DOCK2: variants seen among roughly 807,000 people sequenced by gnomAD.
DOCK2 encodes dedicator of cytokinesis protein 2.
Under a neutral mutation model 248.9 loss-of-function variants are expected in DOCK2, and 87 were observed. The ratio of observed to expected loss-of-function variants is 0.35; its 90% CI spans 0.29 to 0.42. The LOEUF (loss-of-function observed/expected upper bound fraction) is 0.42. Among genes scored for constraint, DOCK2 ranks in the 10% least tolerant of loss-of-function variants. The pLI, the probability that DOCK2 is intolerant of heterozygous loss-of-function variation, is 1.00. For missense variants in DOCK2, 1,747 were observed against 2,300.2 expected, an observed-to-expected ratio of 0.76 and a Z score of 4.92; for synonymous variants, 805 against 821.6, an observed-to-expected ratio of 0.98 and a Z score of 0.35.
Position 169,852,204 on chromosome 5 carries a change from GC to G in DOCK2, c.2799+11354del, listed in dbSNP as rs1477005220. Among the ~76,000 whole-genome samples, 32 of 152,296 alleles carry G rather than the reference GC, an allele frequency of 2.1e-4. 1 individual carries two copies. Among genetic ancestry groups the G allele is most frequent in the Middle Eastern group, 3.4e-3 (1 of 294 alleles). The stretch of plus-strand genomic sequence containing the variant: ...TGAAATTACCTCCAAATATCTCGGT[GC>G]CTTTCAGCTTCTGTTAGTGGAGCTG... On this transcript the variant is annotated intron_variant, in intron 27 of 51. Coordinates refer to ENST00000520908, the MANE Select transcript of DOCK2 (RefSeq NM_004946.3).
At chr5:169,792,021 G>A (rs920200479) in intron 25 of DOCK2, among the ~76,000 whole-genome samples, 1 of 152,196 alleles carries the variant, frequency 6.6e-6, no homozygotes, top group Non-Finnish European at 1.5e-5. Flanking sequence ...TCCTGGTTAA[G>A]TAGAGATTGA....
intron 22 of DOCK2, among the ~76,000 whole-genome samples, chr5:169,722,226 A>G (rs1423017893): frequency 2.0e-5 from 3 of 152,202 alleles, no homozygotes; most frequent in African/African-American, 7.2e-5. Flanking sequence ...AGCTCAGACA[A>G]CCAGCTGTGC....
At chr5:169,766,234 T>A (rs1764783112) in intron 25 of DOCK2, among the ~76,000 whole-genome samples, 2 of 152,044 alleles carry the variant, frequency 1.3e-5, no homozygotes, top group Non-Finnish European at 2.9e-5. Flanking sequence ...CCCTCTACCC[T>A]CAAGCAGGCC....
chr5:169,804,437 A>AGTGT (rs55660700), intron 26 of DOCK2, among the ~76,000 whole-genome samples: 2,571 of 134,536 alleles, frequency 0.019, 46 homozygotes, highest in South Asian at 0.044. Context: ...AGAGCTACAA[A>AGTGT]GTGTGTGTGT....
At chr5:169,702,562 A>G (rs1375311697) in intron 14 of DOCK2, 135 bp downstream of exon 14, 7 of 1,357,984 alleles carry the variant, frequency 5.2e-6, no homozygotes, top group Non-Finnish European at 7.0e-6. Context: ...TAATGTGTTC[A>G]ACACCTTTTG....
intron 38 of DOCK2, among the ~76,000 whole-genome samples, chr5:170,044,223 G>A (rs1756616888): frequency 1.3e-5 from 2 of 152,176 alleles, no homozygotes; most frequent in Non-Finnish European, 2.9e-5. Flanking sequence ...AAAACCAAAC[G>A]ATTTCATCTA....
intron 27 of DOCK2, among the ~76,000 whole-genome samples, chr5:169,954,225 A>C (rs566188058): frequency 6.6e-6 from 1 of 152,382 alleles, no homozygotes; most frequent in South Asian, 2.1e-4. Flanking sequence ...ACTCATGGCT[A>C]TGAAGCCTTA....
At chr5:169,927,506 T>C (rs1353704524) in intron 27 of DOCK2, among the ~76,000 whole-genome samples, 1 of 152,208 alleles carries the variant, frequency 6.6e-6, no homozygotes, top group Non-Finnish European at 1.5e-5. Flanking sequence ...ATGTTTCATA[T>C]AATTAATTTG....
chr5:169,677,751 A>G (rs912131076), intron 6 of DOCK2, among the ~76,000 whole-genome samples: 18 of 152,342 alleles, frequency 1.2e-4, no homozygotes, highest in African/African-American at 4.1e-4. Flanking sequence ...TTGCAAAGCC[A>G]GTAACGGGGA....
intron 27 of DOCK2, among the ~76,000 whole-genome samples, chr5:169,847,901 G>C (rs570803551): frequency 2.1e-4 from 32 of 152,274 alleles, no homozygotes; most frequent in African/African-American, 7.2e-4. Flanking sequence ...GTGTTTTTCT[G>C]GCCCAGTCCA....
intron 26 of DOCK2, among the ~76,000 whole-genome samples, chr5:169,824,662 T>G (rs908203227): frequency 6.6e-6 from 1 of 152,158 alleles, no homozygotes; most frequent in Non-Finnish European, 1.5e-5. Flanking sequence ...CCTAAAACCA[T>G]AAAAACCCTA....
chr5:169,836,767 G>A (rs1472067627), intron 26 of DOCK2, among the ~76,000 whole-genome samples: 1 of 151,550 alleles, frequency 6.6e-6, no homozygotes, highest in Non-Finnish European at 1.5e-5. Flanking sequence ...AACTAGAGAG[G>A]TATTAAAGAC....
chr5:169,723,419 G>A (rs1396121596), intron 22 of DOCK2, among the ~76,000 whole-genome samples: 2 of 152,120 alleles, frequency 1.3e-5, no homozygotes, highest in African/African-American at 2.4e-5. Context: ...ACCATACAGG[G>A]TTGGTGTACA....
At chr5:170,020,433 C>A (rs1359933235) in intron 33 of DOCK2, among the ~76,000 whole-genome samples, 1 of 152,148 alleles carries the variant, frequency 6.6e-6, no homozygotes, top group Admixed American at 6.6e-5. Flanking sequence ...TTTTCATCTT[C>A]CTCATCTGCA....
chr5:169,688,153 T>C (rs1760090334), intron 8 of DOCK2, among the ~76,000 whole-genome samples: 1 of 152,198 alleles, frequency 6.6e-6, no homozygotes, highest in Non-Finnish European at 1.5e-5. Context: ...CTTGAACTCC[T>C]GAACTCAGGT....
At chr5:169,961,733 T>G (rs964614925) in intron 27 of DOCK2, among the ~76,000 whole-genome samples, 3 of 151,986 alleles carry the variant, frequency 2.0e-5, no homozygotes, top group African/African-American at 7.3e-5. Context: ...ATCCCAGCAC[T>G]TTGGGAGGCC....
intron 27 of DOCK2, among the ~76,000 whole-genome samples, chr5:169,852,253 T>C (rs1770657182): frequency 6.6e-6 from 1 of 152,156 alleles, no homozygotes; most frequent in African/African-American, 2.4e-5. Flanking sequence ...TTGAGACAAG[T>C]AATTTTAAGC....
intron 27 of DOCK2, among the ~76,000 whole-genome samples, chr5:169,963,738 T>C (rs1777185650): frequency 6.6e-6 from 1 of 152,140 alleles, no homozygotes; most frequent in African/African-American, 2.4e-5. Flanking sequence ...AGCAGCATTT[T>C]TCCCTCTTCC....
At chr5:169,991,907 T>C (rs1286572481) in intron 29 of DOCK2, among the ~76,000 whole-genome samples, 1 of 152,222 alleles carries the variant, frequency 6.6e-6, no homozygotes, top group African/African-American at 2.4e-5. Context: ...CCTATTTCAG[T>C]TTATAGAATT....
Sources: allele counts gnomAD v4.1 joint callset (sites outside exome capture counted in the v4.1 genomes callset), GRCh38; gene constraint gnomAD v4.1.1; transcripts MANE v1.5; gene names NCBI Gene and HGNC (gene_info 2026-07-23, HGNC 2026-07-21).